Variants in DACH1 observed in about 807,000 individuals in gnomAD.
DACH1 encodes dachshund family transcription factor 1.
DACH1 carries 12 observed loss-of-function variants against 54.2 expected under a neutral mutation model. That is an observed-to-expected ratio of 0.22 (90% confidence interval 0.14 to 0.36). DACH1 has a LOEUF of 0.36. Among genes scored for constraint, DACH1 ranks in the 10% least tolerant of loss-of-function variants. The pLI is 1.00. For synonymous variants in DACH1, 386 were observed against 366.2 expected, an observed-to-expected ratio of 1.05 and a Z score of -0.62; for missense variants, 805 against 929.8, an observed-to-expected ratio of 0.87 and a Z score of 1.75.
At chr13:71,602,082 G>T (rs758634950) in intron 3 of DACH1, among the ~76,000 whole-genome samples, 1 of 151,914 alleles carries the variant, frequency 6.6e-6, no homozygotes, top group Non-Finnish European at 1.5e-5. Context: ...TCAGGCTATG[G>T]ATACCTGACC....
chr13:71,808,667 C>A (rs897775539), intron 1 of DACH1, among the ~76,000 whole-genome samples: 1 of 152,072 alleles, frequency 6.6e-6, no homozygotes, highest in Non-Finnish European at 1.5e-5. Flanking sequence ...AGTTTGACAT[C>A]CTGCTTGTAT....
chr13:71,761,124 A>G (rs1454295419), intron 1 of DACH1, among the ~76,000 whole-genome samples: 2 of 152,150 alleles, frequency 1.3e-5, no homozygotes, highest in Admixed American at 1.3e-4. Context: ...TTGAATAAAG[A>G]TAAGTAGATT....
At chr13:71,497,621 T>C (rs893929469) in intron 6 of DACH1, among the ~76,000 whole-genome samples, 3 of 152,094 alleles carry the variant, frequency 2.0e-5, no homozygotes, top group African/African-American at 7.2e-5. Flanking sequence ...CGTGAGCCAC[T>C]GCGCCCCTGC....
chr13:71,664,324 T>C (rs909767077), intron 2 of DACH1, among the ~76,000 whole-genome samples: 14 of 152,030 alleles, frequency 9.2e-5, no homozygotes, highest in Admixed American at 3.3e-4. Context: ...AGGTTCATTT[T>C]TCTATCAAGA....
intron 6 of DACH1, among the ~76,000 whole-genome samples, chr13:71,554,906 T>C (rs1351971214): frequency 6.6e-6 from 1 of 151,966 alleles, no homozygotes; most frequent in Non-Finnish European, 1.5e-5. Flanking sequence ...TTATGAAAAA[T>C]ATAGGTCAAT....
chr13:71,638,263 T>G (rs1242330303), intron 2 of DACH1, among the ~76,000 whole-genome samples: 1 of 152,178 alleles, frequency 6.6e-6, no homozygotes, highest in African/African-American at 2.4e-5. Context: ...AAATATCTCA[T>G]CACTCCACCG....
At chr13:71,619,100 A>T (rs1425882310) in intron 3 of DACH1, among the ~76,000 whole-genome samples, 2 of 150,660 alleles carry the variant, frequency 1.3e-5, no homozygotes, top group Non-Finnish European at 3.0e-5. Flanking sequence ...ATTCTGTTTT[A>T]TATATATATG....
In DACH1 at chr13:71,475,848, G is replaced by A. The variant is rs201584058; in HGVS notation, c.1872C>T (p.Ala624=). Residue 624 remains alanine, a splice_region_variant and synonymous_variant, in exon 9 of 11, where the codon GCC becomes GCT. Transcript: ENST00000613252. ...KQLAMEQKNR[A]IVQKRLKKEK... is the part of the protein sequence containing the mutation. Reference sequence around the variant, plus strand: ...CCTTCTTTAGCCTCTTTTGAACTATGGCTAAAAAAGAGTGTATGCATATTA... The same window carrying A: ...CCTTCTTTAGCCTCTTTTGAACTATAGCTAAAAAAGAGTGTATGCATATTA... The A allele has an allele frequency of 6.9e-5, 110 of 1,599,286 alleles. No individual in the cohort carries two copies. Among genetic ancestry groups the A allele is most frequent in the Non-Finnish European group, 8.7e-5 (102 of 1,174,862 alleles).
At chr13:71,513,127 T>C (rs2138262281) in intron 6 of DACH1, among the ~76,000 whole-genome samples, 1 of 152,070 alleles carries the variant, frequency 6.6e-6, no homozygotes, top group East Asian at 1.9e-4. Flanking sequence ...TAAATTAGAC[T>C]CATTTGTTAT....
In DACH1 at chr13:71,438,655, A is replaced by C. The variant is rs1869876291; in HGVS notation, c.*2000T>G. On this transcript the variant is annotated 3_prime_UTR_variant, in exon 11 of 11. Coordinates refer to ENST00000613252, the MANE Select transcript of DACH1 (RefSeq NM_080759.6). ...CAATGGCTGATTCTACTACATATGT[A>C]AGTTGTAGGCTTTTTTAAAAATCTT... is the stretch of plus-strand genomic sequence containing the variant. The C allele has an allele frequency of 1.3e-5, 2 of 152,452 alleles. No individual in the cohort carries two copies. The highest frequency in any genetic ancestry group is 4.8e-5 in the African/African-American group (2 of 41,460). The allele number at this position is 152,452 out of a possible 1,614,324, so 9.4% of individuals were successfully genotyped here. A position where few individuals can be genotyped will look rare whatever the true frequency, so the allele number is the denominator to read the frequency against.
At chr13:71,543,858 A>G (rs1883298007) in intron 6 of DACH1, among the ~76,000 whole-genome samples, 1 of 152,132 alleles carries the variant, frequency 6.6e-6, no homozygotes, top group African/African-American at 2.4e-5. Context: ...ATTTAAATAG[A>G]CTACTTCTGC....
chr13:71,600,431 TAA>T (rs1478548246), intron 3 of DACH1, among the ~76,000 whole-genome samples: 4 of 152,096 alleles, frequency 2.6e-5, no homozygotes, highest in Non-Finnish European at 4.4e-5. Context: ...TTTAACTAAA[TAA>T]AGTCTTTCCA....
At chr13:71,456,118 T>C (rs944978420) in intron 10 of DACH1, among the ~76,000 whole-genome samples, 4 of 152,270 alleles carry the variant, frequency 2.6e-5, no homozygotes, top group East Asian at 1.9e-4. Flanking sequence ...TATGGACTTA[T>C]AATTTACATC....
At chr13:71,745,386 A>G (rs551042937) in intron 1 of DACH1, among the ~76,000 whole-genome samples, 1 of 152,370 alleles carries the variant, frequency 6.6e-6, no homozygotes, top group African/African-American at 2.4e-5. Flanking sequence ...CATGTCAGAT[A>G]TGACCTCACA....
At chr13:71,660,986 C>T (rs535641687) in intron 2 of DACH1, among the ~76,000 whole-genome samples, 1 of 148,964 alleles carries the variant, frequency 6.7e-6, no homozygotes, top group East Asian at 2.1e-4. Context: ...AAAAAAAGGA[C>T]ATGAGATTGT....
At chr13:71,674,315 T>C (rs1003221170) in intron 2 of DACH1, among the ~76,000 whole-genome samples, 6 of 152,106 alleles carry the variant, frequency 3.9e-5, no homozygotes, top group African/African-American at 1.2e-4. Context: ...TGCTACTTTA[T>C]ATATTTAAAA....
chr13:71,560,572 A>G (rs2138384256), intron 4 of DACH1, among the ~76,000 whole-genome samples: 1 of 152,312 alleles, frequency 6.6e-6, no homozygotes, highest in East Asian at 1.9e-4. Context: ...ACACAACTGT[A>G]TTAAGGGCAC....
chr13:71,840,871 T>C (rs1331520049), intron 1 of DACH1, among the ~76,000 whole-genome samples: 1 of 152,022 alleles, frequency 6.6e-6, no homozygotes, highest in African/African-American at 2.4e-5. Context: ...GGATGAAGAG[T>C]TTATCACTTT....
intron 2 of DACH1, among the ~76,000 whole-genome samples, chr13:71,677,849 A>G (rs1184233275): frequency 6.6e-6 from 1 of 151,734 alleles, no homozygotes; most frequent in African/African-American, 2.4e-5. Flanking sequence ...CATCCCAAAT[A>G]CTTGGGATTA....
Sources: allele counts gnomAD v4.1 joint callset (sites outside exome capture counted in the v4.1 genomes callset), GRCh38; gene constraint gnomAD v4.1.1; transcripts MANE v1.5; gene names NCBI Gene and HGNC (gene_info 2026-07-23, HGNC 2026-07-21).